Variants in ARHGEF3 observed in about 807,000 individuals in gnomAD.
ARHGEF3 encodes 59.8 kDA protein.
Under a neutral mutation model 63.2 loss-of-function variants are expected in ARHGEF3, and 28 were observed. The observed-to-expected ratio is 0.44, with a 90% CI of 0.33 to 0.61. The LOEUF (loss-of-function observed/expected upper bound fraction) is 0.61. ARHGEF3 is among the 20% of genes least tolerant of loss of function. The pLI, the probability that ARHGEF3 is intolerant of heterozygous loss-of-function variation, is 0.03. For missense variants in ARHGEF3, 533 were observed against 659.3 expected, an observed-to-expected ratio of 0.81 and a Z score of 2.10; for synonymous variants, 266 against 254.2, an observed-to-expected ratio of 1.05 and a Z score of -0.44.
chr3:56,933,790 C>T (rs7612091), intron 3 of ARHGEF3, among the ~76,000 whole-genome samples: 18,219 of 152,114 alleles, frequency 0.12, 1,333 homozygotes, highest in East Asian at 0.25. Context: ...TATGGTCTGA[C>T]TCTGTGTCCC....
At chr3:57,078,717 T>G (rs1706327503) in intron 1 of ARHGEF3, 1 of 152,108 alleles carries the variant, frequency 6.6e-6, no homozygotes, top group South Asian at 2.1e-4. Context: ...TGAGCCCGGC[T>G]CCCCCGCCGC....
At chr3:56,990,866 C>T (rs192610298) in intron 2 of ARHGEF3, among the ~76,000 whole-genome samples, 62 of 152,282 alleles carry the variant, frequency 4.1e-4, no homozygotes, top group African/African-American at 1.3e-3. Flanking sequence ...TGCCTCTGAA[C>T]CAGAGGAACA....
chr3:56,769,778 G>T (rs541958920), intron 2 of ARHGEF3, among the ~76,000 whole-genome samples: 1 of 152,166 alleles, frequency 6.6e-6, no homozygotes, highest in African/African-American at 2.4e-5. Flanking sequence ...ATAATTAAAA[G>T]AATCCAACCT....
chr3:56,920,999 G>C (rs375178583), intron 3 of ARHGEF3, among the ~76,000 whole-genome samples: 5 of 142,734 alleles, frequency 3.5e-5, no homozygotes, highest in African/African-American at 1.3e-4. Context: ...AGCTTGCAGT[G>C]AGCCGAGATT....
intron 3 of ARHGEF3, among the ~76,000 whole-genome samples, chr3:56,948,306 T>C (rs1229700636): frequency 1.8e-4 from 27 of 152,004 alleles, no homozygotes; most frequent in South Asian, 4.2e-4. Context: ...GATACAGACA[T>C]AAAAAACCCT....
intron 2 of ARHGEF3, among the ~76,000 whole-genome samples, chr3:56,760,339 T>C (rs2035348144): frequency 6.6e-6 from 1 of 151,800 alleles, no homozygotes; most frequent in Non-Finnish European, 1.5e-5. Flanking sequence ...TTTTGTGTTT[T>C]GAAGGTAAGA....
intron 3 of ARHGEF3, among the ~76,000 whole-genome samples, chr3:56,958,154 C>A (rs770964223): frequency 2.6e-5 from 4 of 152,024 alleles, no homozygotes; most frequent in Non-Finnish European, 5.9e-5. Context: ...TTTCTGATTT[C>A]TTTTTTCCTT....
intron 2 of ARHGEF3, among the ~76,000 whole-genome samples, chr3:57,025,939 C>A (rs1472606216): frequency 1.3e-5 from 2 of 152,184 alleles, no homozygotes; most frequent in African/African-American, 2.4e-5. Flanking sequence ...AGAAGCACTC[C>A]TGGGGAAAGG....
intron 9 of ARHGEF3, among the ~76,000 whole-genome samples, chr3:56,729,870 G>A (rs2033003380): frequency 7.3e-6 from 1 of 136,324 alleles, no homozygotes; most frequent in African/African-American, 2.8e-5. Context: ...AGATCATCTT[G>A]GAACCACAAA....
intron 4 of ARHGEF3, among the ~76,000 whole-genome samples, chr3:56,848,041 C>T (rs1304099773): frequency 6.6e-6 from 1 of 152,066 alleles, no homozygotes; most frequent in Non-Finnish European, 1.5e-5. Flanking sequence ...ACCATGGACT[C>T]GGGAAATGTG....
At chr3:56,986,417 G>A (rs1475448959) in intron 2 of ARHGEF3, among the ~76,000 whole-genome samples, 1 of 152,220 alleles carries the variant, frequency 6.6e-6, no homozygotes, top group Non-Finnish European at 1.5e-5. Context: ...CCTGGGAGCT[G>A]TAGACAGAAA....
In ARHGEF3 at chr3:56,778,408, C is replaced by T. The variant is rs536094923; in HGVS notation, c.97-4592G>A. 1.4e-3 allele frequency among the ~76,000 whole-genome samples: 208 copies of T among 152,344 alleles called. 1 individual carries two copies. The highest frequency in any genetic ancestry group is 4.6e-3 in the African/African-American group (190 of 41,572). On this transcript the variant is annotated intron_variant, in intron 1 of 9. Transcript: ENST00000296315. ...GGCTAACTTTTTCTGTAAGGGGCTA[C>T]CCAGCCTCTGTCATGACTACTCATC...
chr3:56,929,335 C>T (rs902655613), intron 3 of ARHGEF3, among the ~76,000 whole-genome samples: 3 of 152,166 alleles, frequency 2.0e-5, no homozygotes, highest in Non-Finnish European at 2.9e-5. Context: ...AAAGAAGGGA[C>T]GGTTTACATG....
rs548569734 is a variant in ARHGEF3, at chr3:56,942,559, G to T, written c.129+16264C>A. Among the ~76,000 whole-genome samples, 10 of 152,204 alleles carry T rather than the reference G, an allele frequency of 6.6e-5. No homozygotes were observed. The South Asian group carries it at 2.1e-3, about 32-fold the overall frequency. On this transcript the variant is annotated intron_variant, in intron 3 of 12. Transcript: ENST00000338458. ...CTATTCCCTGAGACACACTAATATT[G>T]AAATTAGGCCATTCAATAACCCTAG...
chr3:57,068,170 C>T (rs1193312414), intron 1 of ARHGEF3, among the ~76,000 whole-genome samples: 12 of 142,362 alleles, frequency 8.4e-5, no homozygotes, highest in Non-Finnish European at 4.8e-5. Flanking sequence ...CACACACATA[C>T]ACACACACAC....
chr3:56,802,436 G>T (rs537281092), upstream of ARHGEF3, among the ~76,000 whole-genome samples: 9 of 152,086 alleles, frequency 5.9e-5, no homozygotes, highest in African/African-American at 1.7e-4. Flanking sequence ...TTTTTGTTTG[G>T]TTTTTTAAAT....
intron 1 of ARHGEF3, among the ~76,000 whole-genome samples, chr3:56,800,270 T>C (rs1429373515): frequency 2.0e-5 from 3 of 152,206 alleles, no homozygotes; most frequent in Non-Finnish European, 4.4e-5. Context: ...CAAGTGGAGT[T>C]TGAGTGGGCA....
chr3:57,025,182 C>T (rs997081051), intron 2 of ARHGEF3, among the ~76,000 whole-genome samples: 2 of 152,170 alleles, frequency 1.3e-5, no homozygotes, highest in African/African-American at 2.4e-5. Context: ...TTATCAAATA[C>T]AGTGCTTTAG....
intron 2 of ARHGEF3, among the ~76,000 whole-genome samples, chr3:57,032,538 TTG>T (rs531059165): frequency 6.6e-6 from 1 of 152,200 alleles, no homozygotes; most frequent in Non-Finnish European, 1.5e-5. Flanking sequence ...CTTTTACTCT[TTG>T]GGTTGGTTTT....
Sources: allele counts gnomAD v4.1 joint callset (sites outside exome capture counted in the v4.1 genomes callset), GRCh38; gene constraint gnomAD v4.1.1; transcripts MANE v1.5; gene names NCBI Gene and HGNC (gene_info 2026-07-23, HGNC 2026-07-21).